ATP7B: variants seen among roughly 807,000 people sequenced by gnomAD.
The protein encoded by ATP7B is ATPase copper transporting beta, also known as copper-transporting ATPase 2.
Under a neutral mutation model 118.9 loss-of-function variants are expected in ATP7B, and 113 were observed. The observed-to-expected ratio is 0.95, with a 90% CI of 0.82 to 1.11. The LOEUF (loss-of-function observed/expected upper bound fraction) is 1.11, where lower values mean the gene tolerates loss of function less well. Among genes scored for constraint, ATP7B ranks in the 50% most tolerant of loss-of-function variants. ATP7B has a pLI of 0.00. For missense variants in ATP7B, 1,867 were observed against 1,871.4 expected (o/e 1.00, Z 0.04); for synonymous variants, 777 against 727.4 (o/e 1.07, Z -1.10).
At chr13:51,999,484 T>A (rs1266623939) in intron 1 of ATP7B, among the ~76,000 whole-genome samples, 1 of 152,040 alleles carries the variant, frequency 6.6e-6, no homozygotes, top group African/African-American at 2.4e-5. Context: ...GGCTGAACAG[T>A]CTTGAGTGAA....
chr13:51,986,650 G>A (rs1455004874), intron 1 of ATP7B, among the ~76,000 whole-genome samples: 4 of 152,094 alleles, frequency 2.6e-5, no homozygotes, highest in Non-Finnish European at 4.4e-5. Flanking sequence ...GATGAACATC[G>A]ATGCAAAAAT....
intron 3 of ATP7B, 134 bp downstream of exon 3, chr13:51,970,358 C>T (rs1951777990): frequency 1.6e-6 from 2 of 1,287,010 alleles, no homozygotes; most frequent in African/African-American, 2.9e-5. Context: ...ATTAGACAAA[C>T]ATTTATGCTA....
intron 2 of ATP7B, among the ~76,000 whole-genome samples, chr13:51,972,084 C>T (rs995143246): frequency 2.6e-5 from 4 of 152,172 alleles, no homozygotes; most frequent in Admixed American, 6.5e-5. Flanking sequence ...CACACAGCTG[C>T]CCCTCACAAC....
chr13:51,977,225 C>A (rs985611258), intron 1 of ATP7B, among the ~76,000 whole-genome samples: 1 of 58,874 alleles, frequency 1.7e-5, no homozygotes, highest in Non-Finnish European at 3.3e-5. Context: ...ACTTCATAAA[C>A]GTTTAATTTT....
intron 7 of ATP7B, chr13:51,959,909 A>G (rs1958616573): frequency 1.8e-6 from 1 of 555,682 alleles, no homozygotes; most frequent in Non-Finnish European, 3.2e-6. Context: ...ACTTGCAATC[A>G]ACTGAAACTG....
chr13:51,958,216 T>C, intron 8 of ATP7B, 95 bp downstream of exon 8: 2 of 1,373,084 alleles, frequency 1.5e-6, no homozygotes, highest in Middle Eastern at 1.9e-4. Context: ...GTCTCTATGC[T>C]GTGTATAATT....
rs1218146194 is a variant in ATP7B at position 51,960,310 on chromosome 13, A to G, written c.1959T>C (p.Ser653=). 4 of 1,613,310 alleles carry G rather than the reference A, an allele frequency of 2.5e-6. No homozygotes were observed. Among genetic ancestry groups the G allele is most frequent in the African/African-American group, 1.3e-5 (1 of 74,888 alleles). Residue 653 remains serine, a synonymous_variant, in exon 7 of 21, where the codon TCT becomes TCC. Coordinates refer to ENST00000242839, the MANE Select transcript of ATP7B (RefSeq NM_000053.4). ...TGCCAAACACCAGGCTGCACAGGAAAGACTTCTTCCACCTGGAAAGCAAAT... is the reference window on the plus strand; with the variant it reads ...TGCCAAACACCAGGCTGCACAGGAAGGACTTCTTCCACCTGGAAAGCAAAT... ...HKMEIKQWKK[S]FLCSLVFGIP...
intron 1 of ATP7B, among the ~76,000 whole-genome samples, chr13:52,001,826 T>C (rs557675208): frequency 2.8e-4 from 43 of 152,192 alleles, no homozygotes; most frequent in African/African-American, 9.9e-4. Context: ...GGTTTCACTC[T>C]GTCACCCAAG....
chr13:52,012,118 C>T (rs1273572340), upstream of ATP7B: 5 of 549,010 alleles, frequency 9.1e-6, no homozygotes, highest in Non-Finnish European at 1.6e-5. Flanking sequence ...CAGGCGGGGG[C>T]TTCTAGTGGG....
chr13:51,940,233 G>A lies in ATP7B; in HGVS notation c.3556+848C>T, dbSNP rs377042977. ...TCTCCATGTTGGTCAGACTGGTCTC[G>A]AACTCCCGACCTCAGGTGATCCACC... On this transcript the variant is annotated intron_variant, in intron 16 of 20. Coordinates refer to ENST00000242839, the MANE Select transcript of ATP7B (RefSeq NM_000053.4). 4.1e-3 allele frequency among the ~76,000 whole-genome samples: 611 copies of A among 148,816 alleles called. 3 individuals are homozygous for A. The highest frequency in any genetic ancestry group is 7.0e-3 in the Admixed American group (105 of 15,036).
intron 3 of ATP7B, among the ~76,000 whole-genome samples, chr13:51,969,101 C>T (rs780459071): frequency 3.3e-5 from 5 of 150,806 alleles, no homozygotes; most frequent in Non-Finnish European, 5.9e-5. Flanking sequence ...CCTTGTGATC[C>T]GCTCGCCTTG....
At chr13:51,938,382 G>T (rs1924609) in intron 17 of ATP7B, among the ~76,000 whole-genome samples, 2 of 152,038 alleles carry the variant, frequency 1.3e-5, no homozygotes, top group African/African-American at 4.8e-5. Flanking sequence ...GTGGTGCTTC[G>T]TAAGTGCCTG....
chr13:51,939,258 C>T (rs888563851), intron 16 of ATP7B, 65 bp from the exon 17 acceptor site: 3 of 1,599,844 alleles, frequency 1.9e-6, no homozygotes, highest in Admixed American at 3.3e-5. Context: ...AGATACCACA[C>T]TTGCAATGTT....
At chr13:51,946,077 A>T (rs553296910) in intron 13 of ATP7B, among the ~76,000 whole-genome samples, 1 of 152,252 alleles carries the variant, frequency 6.6e-6, no homozygotes, top group Non-Finnish European at 1.5e-5. Context: ...AATGCAATTA[A>T]ATCAAGTAAT....
intron 7 of ATP7B, 25 bp downstream of exon 7, chr13:51,960,122 AG>A (rs1362977078): frequency 6.2e-7 from 1 of 1,604,944 alleles, no homozygotes; most frequent in East Asian, 2.2e-5. Context: ...TGGAAGGGAG[AG>A]GTCTGCCCAC....
At position 51,950,086 on chromosome 13, in the gene ATP7B, AGCACAGAGCCATGT is replaced by A. The variant is rs2139207205; in HGVS notation, c.2637_2650del (p.Gly881Ter). On this transcript the variant is annotated frameshift_variant, in exon 11 of 21. Transcript: ENST00000242839. LOFTEE classifies it high-confidence loss of function. ...ATTGCCCACGTGGGTAGCTTTAATG[AGCACAGAGCCATGT>A]GCATTTATAGACCCCGCAATTACAG... 6.2e-7 allele frequency: 1 copy of A among 1,614,196 alleles called. No homozygotes were observed. Among genetic ancestry groups the A allele is most frequent in the Middle Eastern group, 1.6e-4 (1 of 6,062 alleles).
At chr13:51,945,941 T>C (rs1045220536) in intron 13 of ATP7B, among the ~76,000 whole-genome samples, 3 of 152,226 alleles carry the variant, frequency 2.0e-5, no homozygotes, top group Non-Finnish European at 4.4e-5. Flanking sequence ...CCTGGCTACC[T>C]GGGTGTGAAT....
chr13:51,955,396 CCAAA>C (rs1308564875), intron 9 of ATP7B, among the ~76,000 whole-genome samples: 2 of 152,178 alleles, frequency 1.3e-5, no homozygotes, highest in East Asian at 3.9e-4. Flanking sequence ...ATGACCACAC[CCAAA>C]CAGTGAGCCA....
chr13:51,949,895 A>G lies in ATP7B; in HGVS notation c.2731-99T>C. The G allele has an allele frequency of 3.7e-6, 6 of 1,609,182 alleles. No homozygotes were observed. In the Admixed American group the frequency reaches 8.3e-5, roughly 22 times the overall value. On this transcript the variant is annotated intron_variant, in intron 11 of 20. Transcript: ENST00000242839. Reference sequence around the variant, plus strand: ...AGATTGGGATAATCTCCTTCATTTAACCACATTTACTAATCAATCTCTACT... The same window carrying G: ...AGATTGGGATAATCTCCTTCATTTAGCCACATTTACTAATCAATCTCTACT...
Sources: allele counts gnomAD v4.1 joint callset (sites outside exome capture counted in the v4.1 genomes callset), GRCh38; gene constraint gnomAD v4.1.1; transcripts MANE v1.5; gene names NCBI Gene and HGNC (gene_info 2026-07-23, HGNC 2026-07-21).